The following IMMP2L variants were observed in gnomAD, a reference collection of about 807,000 sequenced individuals.
The protein encoded by IMMP2L is inner mitochondrial membrane peptidase subunit 2, also known as mitochondrial inner membrane protease subunit 2.
IMMP2L carries 18 observed loss-of-function variants against 19.3 expected under a neutral mutation model. That is an observed-to-expected ratio of 0.93 (90% CI 0.64 to 1.38). The LOEUF (loss-of-function observed/expected upper bound fraction) is 1.38, where lower values mean the gene tolerates loss of function less well. IMMP2L is among the 40% of genes most tolerant of loss of function. The pLI, the probability that IMMP2L is intolerant of heterozygous loss-of-function variation, is 0.00. For missense variants in IMMP2L, 233 were observed against 218.2 expected, an observed-to-expected ratio of 1.07 and a Z score of -0.43; for synonymous variants, 76 against 73.0, an observed-to-expected ratio of 1.04 and a Z score of -0.21.
chr7:111,119,717 CA>C (rs1046096366), intron 3 of IMMP2L, among the ~76,000 whole-genome samples: 151 of 152,246 alleles, frequency 9.9e-4, no homozygotes, highest in African/African-American at 3.5e-3. Context: ...TCAGTTCATT[CA>C]AAACATTTCT....
intron 3 of IMMP2L, among the ~76,000 whole-genome samples, chr7:111,135,843 C>T (rs1194559642): frequency 2.0e-5 from 3 of 152,124 alleles, no homozygotes; most frequent in Non-Finnish European, 4.4e-5. Context: ...CACTATTTCA[C>T]TCTTAATCCA....
chr7:111,441,753 CA>C (rs1171358012), intron 3 of IMMP2L, among the ~76,000 whole-genome samples: 1 of 149,592 alleles, frequency 6.7e-6, no homozygotes, highest in African/African-American at 2.5e-5. Context: ...ACAGTATCTG[CA>C]AAGTGCAATG....
intron 3 of IMMP2L, among the ~76,000 whole-genome samples, chr7:111,351,997 G>A (rs373904217): frequency 6.6e-6 from 1 of 152,146 alleles, no homozygotes; most frequent in Admixed American, 6.6e-5. Flanking sequence ...AATGGCACTT[G>A]ACAGAGAATA....
intron 2 of IMMP2L, among the ~76,000 whole-genome samples, chr7:111,516,476 G>A (rs140079254): frequency 7.0e-4 from 106 of 152,102 alleles, no homozygotes; most frequent in African/African-American, 2.2e-3. Flanking sequence ...GGAGTTCTAC[G>A]CACTACTCTT....
chr7:110,753,246 C>T (rs1797838072), intron 5 of IMMP2L, among the ~76,000 whole-genome samples: 1 of 151,948 alleles, frequency 6.6e-6, no homozygotes. Context: ...AATGTGCTTT[C>T]AAACTACCTA....
At chr7:111,311,520 G>A (rs148075643) in intron 3 of IMMP2L, among the ~76,000 whole-genome samples, 3 of 152,130 alleles carry the variant, frequency 2.0e-5, no homozygotes, top group African/African-American at 2.4e-5. Flanking sequence ...CCTGGTAAAT[G>A]ACTGAGATCA....
intron 1 of IMMP2L, among the ~76,000 whole-genome samples, chr7:111,558,757 T>C (rs964716405): frequency 1.3e-5 from 2 of 152,168 alleles, no homozygotes; most frequent in Non-Finnish European, 2.9e-5. Context: ...TTAAAAAGCT[T>C]TCCTTAGTAC....
intron 5 of IMMP2L, among the ~76,000 whole-genome samples, chr7:110,857,663 C>G (rs1210210521): frequency 6.6e-6 from 1 of 152,106 alleles, no homozygotes; most frequent in East Asian, 1.9e-4. Flanking sequence ...TATGAGTACT[C>G]AAATACCACT....
At chr7:110,697,392 A>C (rs1793970030) in intron 5 of IMMP2L, among the ~76,000 whole-genome samples, 1 of 152,246 alleles carries the variant, frequency 6.6e-6, no homozygotes, top group Non-Finnish European at 1.5e-5. Flanking sequence ...ACCCTTAAAA[A>C]GAATGGCTAA....
At chr7:110,768,081 G>A (rs1798784925) in intron 5 of IMMP2L, among the ~76,000 whole-genome samples, 1 of 152,086 alleles carries the variant, frequency 6.6e-6, no homozygotes, top group Non-Finnish European at 1.5e-5. Context: ...AGAGTTTCAG[G>A]ACTAATAGGT....
intron 3 of IMMP2L, among the ~76,000 whole-genome samples, chr7:110,979,380 C>T (rs1020069861): frequency 3.9e-5 from 6 of 152,128 alleles, no homozygotes; most frequent in Admixed American, 3.3e-4. Context: ...TCATTGTTTT[C>T]TAACTCTACA....
chr7:111,502,567 G>T (rs1164678422), intron 2 of IMMP2L, among the ~76,000 whole-genome samples: 1 of 151,940 alleles, frequency 6.6e-6, no homozygotes, highest in Non-Finnish European at 1.5e-5. Context: ...CCACATAGTT[G>T]GAAGTAAAGC....
chr7:110,690,807 A>G (rs1793439759), intron 5 of IMMP2L, among the ~76,000 whole-genome samples: 1 of 148,136 alleles, frequency 6.8e-6, no homozygotes. Context: ...AAACACTGCT[A>G]AAAAAAAAAT....
intron 3 of IMMP2L, among the ~76,000 whole-genome samples, chr7:110,975,548 C>A (rs960983781): frequency 3.1e-4 from 47 of 152,142 alleles, no homozygotes; most frequent in African/African-American, 1.1e-3. Flanking sequence ...AGAATGCATG[C>A]AGAATTTCTT....
intron 3 of IMMP2L, among the ~76,000 whole-genome samples, chr7:111,276,764 T>C (rs1335784259): frequency 6.6e-6 from 1 of 151,280 alleles, no homozygotes; most frequent in African/African-American, 2.4e-5. Context: ...GATATTAAAA[T>C]AGATACCAAG....
chr7:110,799,147 C>T (rs762790800), intron 5 of IMMP2L, among the ~76,000 whole-genome samples: 3 of 151,936 alleles, frequency 2.0e-5, no homozygotes, highest in Non-Finnish European at 4.4e-5. Flanking sequence ...ACTATTAGCC[C>T]GAGCTGGGTA....
rs1217257175 is a variant in IMMP2L at position 111,125,817 on chromosome 7, CT to C, written c.240-162253del. On this transcript the variant is annotated intron_variant, in intron 3 of 5. Transcript: ENST00000405709. The stretch of plus-strand genomic sequence containing the variant: ...CAGTAGCTTAGTTTTAGGCCGCTTG[CT>C]TTTTTTTTTTTTTTTTTTTTTTGAG... Among the ~76,000 whole-genome samples the C allele has an allele frequency of 8.7e-3, 872 of 100,198 alleles. 1 individual carries two copies. Among genetic ancestry groups the C allele is most frequent in the African/African-American group, 0.028 (705 of 25,344 alleles). The allele number at this position is 100,198 out of a possible 152,430, so 65.7% of individuals were successfully genotyped here.
intron 3 of IMMP2L, among the ~76,000 whole-genome samples, chr7:111,174,737 CA>C (rs1806846203): frequency 6.6e-6 from 1 of 151,788 alleles, no homozygotes; most frequent in African/African-American, 2.4e-5. Context: ...CTTCTTGGCA[CA>C]GATGCACAAA....
chr7:110,707,004 A>AATTT (rs369690184), intron 5 of IMMP2L, among the ~76,000 whole-genome samples: 7 of 114,304 alleles, frequency 6.1e-5, no homozygotes, highest in Admixed American at 9.2e-5. Context: ...TTTTTTTTTA[A>AATTT]TTTTTTTTTT....
Sources: allele counts gnomAD v4.1 joint callset (sites outside exome capture counted in the v4.1 genomes callset), GRCh38; gene constraint gnomAD v4.1.1; transcripts MANE v1.5; gene names NCBI Gene and HGNC (gene_info 2026-07-23, HGNC 2026-07-21).